Variants in CELF2 observed in about 807,000 individuals in gnomAD.
CELF2 encodes the protein CUG triplet repeat RNA-binding protein 2.
Under a neutral mutation model 62.6 loss-of-function variants are expected in CELF2, and 8 were observed. That is an observed-to-expected ratio of 0.13 (90% CI 0.07 to 0.23). The LOEUF is 0.23. Ranked by LOEUF, CELF2 falls within the 10% of genes least tolerant of loss-of-function variation. CELF2 has a pLI of 1.00. For missense variants in CELF2, 333 were observed against 671.0 expected, an observed-to-expected ratio of 0.50 and a Z score of 5.56; for synonymous variants, 258 against 250.0, an observed-to-expected ratio of 1.03 and a Z score of -0.30.
intron 1 of CELF2, among the ~76,000 whole-genome samples, chr10:10,905,417 GT>G (rs2063251921): frequency 6.6e-6 from 1 of 152,134 alleles, no homozygotes; most frequent in Non-Finnish European, 1.5e-5. Flanking sequence ...TGCCATTAGA[GT>G]TTGGTCTAAG....
the CELF2 span, among the ~76,000 whole-genome samples, chr10:10,571,011 G>A: frequency 1.3e-5 from 2 of 152,048 alleles, no homozygotes; most frequent in Non-Finnish European, 2.9e-5. Flanking sequence ...GTACATCAAG[G>A]TTAATATTAA....
chr10:11,213,963 A>G (rs1236756190), intron 2 of CELF2, among the ~76,000 whole-genome samples: 2 of 152,020 alleles, frequency 1.3e-5, no homozygotes, highest in African/African-American at 4.8e-5. Flanking sequence ...TCGTGGGGGG[A>G]TATTAAGCAG....
At chr10:11,181,720 T>A (rs796087078) in intron 2 of CELF2, among the ~76,000 whole-genome samples, 1 of 152,252 alleles carries the variant, frequency 6.6e-6, no homozygotes, top group African/African-American at 2.4e-5. Context: ...TCTCTAACTC[T>A]AAGTGTCTTG....
chr10:11,288,312 G>A (rs772680506), intron 8 of CELF2, 106 bp from the exon 9 acceptor site: 69 of 1,432,300 alleles, frequency 4.8e-5, no homozygotes, highest in Non-Finnish European at 5.9e-5. Context: ...GCACAGGGTC[G>A]TCTGCTCTCA....
the CELF2 span, among the ~76,000 whole-genome samples, chr10:10,748,585 A>G: frequency 6.6e-6 from 1 of 151,944 alleles, no homozygotes; most frequent in East Asian, 1.9e-4. Context: ...TGTCTCTACT[A>G]AAAATACAAA....
intron 1 of CELF2, among the ~76,000 whole-genome samples, chr10:11,120,314 C>T (rs951476656): frequency 3.3e-5 from 5 of 152,160 alleles, no homozygotes; most frequent in Admixed American, 2.0e-4. Flanking sequence ...TAGCAAGTAG[C>T]AAAACTGTGC....
chr10:11,309,592 AATTGTCCCCACAGTCTGCTCTG>A lies in CELF2; in HGVS notation c.977-4523_977-4502del, dbSNP rs564828890. Reference sequence around the variant, plus strand: ...CTATTATTTTTGGCCCAGGAGCATAAATTGTCCCCACAGTCTGCTCTGATTGTCCCCACAGTCTGCTCTGACT... The same window carrying A: ...CTATTATTTTTGGCCCAGGAGCATAAATTGTCCCCACAGTCTGCTCTGACT... On this transcript the variant is annotated intron_variant, in intron 9 of 12. Transcript: ENST00000633077. This position sits in a 1 kb window ranked among gnomAD's most constrained non-coding sequence, Gnocchi z 5.6. 9.1e-3 allele frequency among the ~76,000 whole-genome samples: 1,383 copies of A among 152,116 alleles called. 4 individuals carry two copies. Among genetic ancestry groups the A allele is most frequent in the Non-Finnish European group, 0.013 (893 of 67,988 alleles).
chr10:11,094,787 T>C (rs1339879120), intron 1 of CELF2, among the ~76,000 whole-genome samples: 2 of 152,218 alleles, frequency 1.3e-5, no homozygotes, highest in Non-Finnish European at 2.9e-5. Flanking sequence ...CAAAATACCT[T>C]AGCCATCGAA....
chr10:10,758,442 T>C, the CELF2 span, among the ~76,000 whole-genome samples: 2 of 152,180 alleles, frequency 1.3e-5, no homozygotes, highest in Non-Finnish European at 2.9e-5. Flanking sequence ...TATGGGCCTG[T>C]GAAATGACAT....
the CELF2 span, among the ~76,000 whole-genome samples, chr10:10,599,712 CT>C: frequency 2.1e-4 from 31 of 147,848 alleles, no homozygotes; most frequent in African/African-American, 7.7e-4. Context: ...CGTCTCTGCC[CT>C]TTTCTTTCTT....
the CELF2 span, among the ~76,000 whole-genome samples, chr10:10,550,092 C>A: frequency 6.6e-6 from 1 of 152,238 alleles, no homozygotes; most frequent in Non-Finnish European, 1.5e-5. Context: ...TAATAGCCTA[C>A]TATTGACCAG....
the CELF2 span, among the ~76,000 whole-genome samples, chr10:10,571,437 A>G: frequency 6.6e-6 from 1 of 152,182 alleles, no homozygotes; most frequent in Admixed American, 6.6e-5. Flanking sequence ...AAATAATATA[A>G]TATTTCTCCA....
the CELF2 span, among the ~76,000 whole-genome samples, chr10:10,468,034 C>T: frequency 6.6e-6 from 1 of 151,810 alleles, no homozygotes; most frequent in Non-Finnish European, 1.5e-5. Flanking sequence ...AAAATGGTGT[C>T]CTTTAAATAA....
intron 1 of CELF2, among the ~76,000 whole-genome samples, chr10:10,888,538 A>G (rs1306991088): frequency 1.3e-5 from 2 of 152,170 alleles, no homozygotes; most frequent in East Asian, 1.9e-4. Flanking sequence ...TACATAAAAG[A>G]TTTTTTGTGG....
the CELF2 span, among the ~76,000 whole-genome samples, chr10:10,712,851 C>G: frequency 6.6e-6 from 1 of 152,236 alleles, no homozygotes. Context: ...GTGCACACCA[C>G]TGGTATCTCC....
the CELF2 span, among the ~76,000 whole-genome samples, chr10:10,712,230 G>T: frequency 6.6e-6 from 1 of 150,694 alleles, no homozygotes; most frequent in Admixed American, 6.6e-5. Flanking sequence ...GTCATCTGAG[G>T]CTTACATGAT....
chr10:10,780,859 C>G, the CELF2 span, among the ~76,000 whole-genome samples: 1 of 152,218 alleles, frequency 6.6e-6, no homozygotes, highest in Non-Finnish European at 1.5e-5. Flanking sequence ...ACATCATTGT[C>G]TAGAATCCCA....
At chr10:10,750,767 A>G in the CELF2 span, among the ~76,000 whole-genome samples, 2 of 152,252 alleles carry the variant, frequency 1.3e-5, no homozygotes, top group Non-Finnish European at 2.9e-5. Flanking sequence ...GAAGAATAGA[A>G]TGATTGTCAC....
At chr10:10,767,272 G>A in the CELF2 span, among the ~76,000 whole-genome samples, 93 of 151,820 alleles carry the variant, frequency 6.1e-4, no homozygotes, top group African/African-American at 2.1e-3. Context: ...GCTCAAGGAC[G>A]GGTTTCACTA....
Sources: allele counts gnomAD v4.1 joint callset (sites outside exome capture counted in the v4.1 genomes callset), GRCh38; gene constraint gnomAD v4.1.1; non-coding constraint Gnocchi (gnomAD v3.1); transcripts MANE v1.5; gene names NCBI Gene and HGNC (gene_info 2026-07-23, HGNC 2026-07-21).